The following HMBOX1 variants were observed in gnomAD, a reference collection of about 807,000 sequenced individuals.
HMBOX1 encodes homeobox-containing protein 1.
In HMBOX1, 14 loss-of-function variants were observed where a neutral mutation model predicts 54.5. The ratio of observed to expected loss-of-function variants is 0.26; its 90% confidence interval spans 0.17 to 0.40. The LOEUF (loss-of-function observed/expected upper bound fraction) is 0.40. Among genes scored for constraint, HMBOX1 ranks in the 10% least tolerant of loss-of-function variants. The pLI is 1.00. For missense variants in HMBOX1, 332 were observed against 514.4 expected, an observed-to-expected ratio of 0.65 and a Z score of 3.43; for synonymous variants, 160 against 181.0, an observed-to-expected ratio of 0.88 and a Z score of 0.93.
chr8:28,967,126 G>T (rs1826566203), intron 2 of HMBOX1, among the ~76,000 whole-genome samples: 1 of 152,152 alleles, frequency 6.6e-6, no homozygotes, highest in African/African-American at 2.4e-5. Context: ...CACAGTTATG[G>T]TGACTGTTCA....
intron 1 of HMBOX1, among the ~76,000 whole-genome samples, chr8:28,906,135 T>TA (rs1191567475): frequency 6.6e-6 from 1 of 152,240 alleles, no homozygotes; most frequent in Non-Finnish European, 1.5e-5. Flanking sequence ...TTGGGAAATC[T>TA]AACCTGAATG....
At chr8:28,927,041 G>A (rs949624295) in intron 1 of HMBOX1, among the ~76,000 whole-genome samples, 1 of 152,160 alleles carries the variant, frequency 6.6e-6, no homozygotes, top group African/African-American at 2.4e-5. Flanking sequence ...TAAAAAAATA[G>A]TTAGAAAGAA....
intron 5 of HMBOX1, among the ~76,000 whole-genome samples, chr8:29,011,352 C>T (rs1243084118): frequency 6.6e-6 from 1 of 152,160 alleles, no homozygotes; most frequent in Non-Finnish European, 1.5e-5. Context: ...AAAATGGTGA[C>T]CACCAGATCT....
intron 1 of HMBOX1, among the ~76,000 whole-genome samples, chr8:28,936,628 A>G (rs1360610240): frequency 6.6e-6 from 1 of 152,056 alleles, no homozygotes; most frequent in Admixed American, 6.5e-5. Flanking sequence ...TTCATGTCAA[A>G]TGAGATGAAC....
At chr8:28,963,691 A>G (rs1825974522) in intron 1 of HMBOX1, 120 bp from the exon 2 acceptor site, 1 of 501,376 alleles carries the variant, frequency 2.0e-6, no homozygotes, top group South Asian at 3.7e-5. Flanking sequence ...ATCAGAAGAT[A>G]TAATATTTAA....
At chr8:28,943,479 A>G (rs1156616945) in intron 1 of HMBOX1, among the ~76,000 whole-genome samples, 1 of 152,172 alleles carries the variant, frequency 6.6e-6, no homozygotes, top group African/African-American at 2.4e-5. Context: ...GGCTCTGGTG[A>G]TAAGAATGTC....
chr8:29,015,384 G>A (rs1421301253), intron 5 of HMBOX1, among the ~76,000 whole-genome samples: 2 of 152,180 alleles, frequency 1.3e-5, no homozygotes, highest in Non-Finnish European at 2.9e-5. Flanking sequence ...CCCTGGACAA[G>A]AGGTTGTATT....
rs80197381 is a variant in HMBOX1 at position 29,042,514 on chromosome 8, A to C, written c.852-2847A>C. ...TCAGGTAAGTGGGGCAGGAGATGGG[A>C]TATGAAAGGCAATTGGTTAGAAAAG... On this transcript the variant is annotated intron_variant, in intron 6 of 9. Coordinates refer to ENST00000287701, the MANE Select transcript of HMBOX1 (RefSeq NM_001135726.3). The C allele has an allele frequency of 4.7e-3, 1,846 of 394,026 alleles. 41 individuals are homozygous for C. In the East Asian group the frequency reaches 0.052, roughly 11 times the overall value. The allele number at this position is 394,026 out of a possible 1,614,324, so 24.4% of individuals were successfully genotyped here.
chr8:28,900,745 A>G (rs1813101015), intron 1 of HMBOX1, among the ~76,000 whole-genome samples: 1 of 152,012 alleles, frequency 6.6e-6, no homozygotes. Flanking sequence ...ACCTTTTGTC[A>G]TTAAGTTCTC....
At position 28,959,916 on chromosome 8, in the gene HMBOX1, G is replaced by A. The variant is rs10099453; in HGVS notation, c.-57-3895G>A. Among the ~76,000 whole-genome samples, 311 of 152,012 alleles carry A rather than the reference G, an allele frequency of 2.0e-3. 2 individuals carry two copies. The highest frequency in any genetic ancestry group is 7.2e-3 in the African/African-American group (297 of 41,526). The stretch of plus-strand genomic sequence containing the variant: ...GTTTTTCTCTTTTAGGTTTTTAAAT[G>A]AATTGTCATGCAGTTGCATTTATAA... On this transcript the variant is annotated intron_variant, in intron 1 of 9. Coordinates refer to ENST00000287701, the MANE Select transcript of HMBOX1 (RefSeq NM_001135726.3).
chr8:28,972,142 T>C (rs1171294076), intron 3 of HMBOX1, among the ~76,000 whole-genome samples: 1 of 152,216 alleles, frequency 6.6e-6, no homozygotes, highest in Admixed American at 6.5e-5. Flanking sequence ...AGATACAGTA[T>C]AAATAAAGTA....
intron 4 of HMBOX1, among the ~76,000 whole-genome samples, chr8:28,987,040 C>G (rs944430322): frequency 1.3e-5 from 2 of 152,112 alleles, no homozygotes; most frequent in Non-Finnish European, 2.9e-5. Context: ...TCAGTCATCT[C>G]AAATGCAGTG....
chr8:28,900,620 C>T (rs1028306962), intron 1 of HMBOX1, among the ~76,000 whole-genome samples: 3 of 152,008 alleles, frequency 2.0e-5, no homozygotes, highest in African/African-American at 7.2e-5. Flanking sequence ...AGATGTTGTA[C>T]TTAACAGTAT....
At chr8:28,901,335 G>A (rs1043684618) in intron 1 of HMBOX1, among the ~76,000 whole-genome samples, 2 of 151,864 alleles carry the variant, frequency 1.3e-5, no homozygotes, top group African/African-American at 4.8e-5. Context: ...TTCTATACAA[G>A]TGTTTCTTCC....
chr8:28,976,766 G>T (rs1267344002), intron 3 of HMBOX1, among the ~76,000 whole-genome samples: 1 of 149,844 alleles, frequency 6.7e-6, no homozygotes, highest in South Asian at 2.1e-4. Flanking sequence ...GAGTGCAGTG[G>T]CACGTTTTCG....
intron 1 of HMBOX1, among the ~76,000 whole-genome samples, chr8:28,947,484 C>T (rs1332181952): frequency 2.0e-5 from 3 of 152,224 alleles, no homozygotes; most frequent in Admixed American, 6.5e-5. Flanking sequence ...CCTTTCAGCA[C>T]TCGCTACCTA....
At position 28,996,173 on chromosome 8, in the gene HMBOX1, TAA is replaced by T. The variant is rs1177839539; in HGVS notation, c.587-12898_587-12897del. On this transcript the variant is annotated intron_variant, in intron 4 of 9. Coordinates refer to ENST00000287701, the MANE Select transcript of HMBOX1 (RefSeq NM_001135726.3). ...TCTTATACTTTTTATATTGAAGTGT[TAA>T]GAGTTCTTTATATAGGTTTATATAA... Among the ~76,000 whole-genome samples the T allele has an allele frequency of 4.6e-5, 7 of 152,192 alleles. 1 individual carries two copies. The highest frequency in any genetic ancestry group is 4.6e-4 in the Admixed American group (7 of 15,278).
intron 4 of HMBOX1, among the ~76,000 whole-genome samples, chr8:29,001,645 C>T (rs1832683330): frequency 6.6e-6 from 1 of 152,132 alleles, no homozygotes; most frequent in South Asian, 2.1e-4. Context: ...TTTCAAGGGG[C>T]ATAGAAATAA....
At chr8:29,045,542 G>C in intron 7 of HMBOX1, 99 bp downstream of exon 7, 1 of 902,888 alleles carries the variant, frequency 1.1e-6, no homozygotes. Flanking sequence ...TTGGCATGGT[G>C]CTCCCGGCTC....
Sources: gnomAD v4.1 joint callset for allele counts (sites outside exome capture counted in the v4.1 genomes callset) on GRCh38, gnomAD v4.1.1 for gene constraint, MANE v1.5 for transcripts, NCBI Gene and HGNC (gene_info 2026-07-23, HGNC 2026-07-21) for gene names.